The following HIVEP2 variants were observed in gnomAD, a reference collection of about 807,000 sequenced individuals.
HIVEP2 encodes HIVEP zinc finger 2.
Under a neutral mutation model 180.7 loss-of-function variants are expected in HIVEP2, and 14 were observed. The observed-to-expected ratio is 0.08, with a 90% CI of 0.05 to 0.12. The LOEUF (loss-of-function observed/expected upper bound fraction) is 0.12. HIVEP2 is among the 10% of genes least tolerant of loss of function. The probability of loss-of-function intolerance (pLI) is 1.00; values close to 1 mark genes in which losing one functional copy is unlikely to be tolerated. For synonymous variants in HIVEP2, 1,184 were observed against 1,136.4 expected (o/e 1.04, Z -0.84); for missense variants, 2,579 against 3,008.5 (o/e 0.86, Z 3.34).
chr6:142,847,773 G>A (rs981614603), intron 1 of HIVEP2, among the ~76,000 whole-genome samples: 1 of 151,990 alleles, frequency 6.6e-6, no homozygotes, highest in Non-Finnish European at 1.5e-5. Flanking sequence ...TACTGAACCA[G>A]TATAAGACTC....
chr6:142,799,475 G>A (rs1423152812), intron 2 of HIVEP2, among the ~76,000 whole-genome samples: 2 of 152,056 alleles, frequency 1.3e-5, no homozygotes, highest in Non-Finnish European at 1.5e-5. Context: ...AAGAAAAGAG[G>A]AGACAGAGCA....
At chr6:142,875,836 G>A (rs1214255544) in intron 1 of HIVEP2, among the ~76,000 whole-genome samples, 1 of 152,174 alleles carries the variant, frequency 6.6e-6, no homozygotes, top group Admixed American at 6.5e-5. Context: ...ATGTCCATTG[G>A]ACAGCCAAGT....
intron 6 of HIVEP2, 76 bp downstream of exon 6, chr6:142,768,306 T>G (rs1775424347): frequency 1.4e-6 from 2 of 1,379,932 alleles, no homozygotes; most frequent in Non-Finnish European, 2.0e-6. Context: ...AGACAGTACC[T>G]TTTCCATGCA....
At chr6:142,803,871 G>A (rs951770243) in intron 2 of HIVEP2, among the ~76,000 whole-genome samples, 3 of 152,130 alleles carry the variant, frequency 2.0e-5, no homozygotes, top group African/African-American at 7.2e-5. Flanking sequence ...CTCCTGAGGA[G>A]TGGGAGGCTG....
chr6:142,877,264 T>A (rs1776466368), intron 1 of HIVEP2, among the ~76,000 whole-genome samples: 1 of 152,190 alleles, frequency 6.6e-6, no homozygotes, highest in African/African-American at 2.4e-5. Context: ...CACATATATC[T>A]AGTTAGTTTT....
intron 1 of HIVEP2, among the ~76,000 whole-genome samples, chr6:142,930,796 C>T (rs1439566434): frequency 6.6e-6 from 1 of 152,096 alleles, no homozygotes; most frequent in Non-Finnish European, 1.5e-5. Flanking sequence ...GTTATTGAAA[C>T]AGCAGTGTCC....
rs11752695 is a variant in HIVEP2 at position 142,892,399 on chromosome 6, C to T, written c.-641+52700G>A. ...CATGGATAAAGCTCTTCCTACATCCCGGCGGAGGTGCCAGAGAAATAAGCA... is the reference window on the plus strand; with the variant it reads ...CATGGATAAAGCTCTTCCTACATCCTGGCGGAGGTGCCAGAGAAATAAGCA... On this transcript the variant is annotated intron_variant, in intron 1 of 9. Coordinates refer to ENST00000367603, the MANE Select transcript of HIVEP2 (RefSeq NM_006734.4). Among the ~76,000 whole-genome samples, 1,277 of 152,258 alleles carry T rather than the reference C, an allele frequency of 8.4e-3. 18 individuals carry two copies. The highest frequency in any genetic ancestry group is 0.011 in the Non-Finnish European group (747 of 68,032).
At chr6:142,775,710 C>G (rs1397349595) in intron 4 of HIVEP2, among the ~76,000 whole-genome samples, 1 of 151,926 alleles carries the variant, frequency 6.6e-6, no homozygotes, top group African/African-American at 2.4e-5. Context: ...TGGCATGCAC[C>G]TGTAGTCCCA....
In HIVEP2 at chr6:142,759,774, G is replaced by A. The variant is rs775041263; in HGVS notation, c.6514C>T (p.Pro2172Ser). The change falls in exon 9 of 10, where the codon CCT becomes TCT. Residue 2172 changes from proline to serine, a missense_variant and splice_region_variant. Physicochemically the swap from Pro to Ser is moderately conservative, Grantham distance 74. Coordinates refer to ENST00000367603, the MANE Select transcript of HIVEP2 (RefSeq NM_006734.4). ...AAAGAAAAGTGGATTATACTTACAG[G>A]AGGCCCCAATACAATTGGCTCTGCT... ...LQAEPIVLGP[P>S]NLRRGLPQVP... is the part of the protein sequence containing the mutation. The A allele has an allele frequency of 8.8e-6, 14 of 1,593,504 alleles. No individual in the cohort carries two copies. The highest frequency in any genetic ancestry group is 2.6e-6 in the Non-Finnish European group (3 of 1,172,704).
intron 1 of HIVEP2, among the ~76,000 whole-genome samples, chr6:142,846,014 C>G (rs940275164): frequency 2.6e-5 from 4 of 152,258 alleles, no homozygotes; most frequent in Admixed American, 6.5e-5. Flanking sequence ...GACAGGACAT[C>G]CCTCCTGGCA....
chr6:142,908,585 T>C (rs1180257416), intron 1 of HIVEP2, among the ~76,000 whole-genome samples: 1 of 152,028 alleles, frequency 6.6e-6, no homozygotes, highest in Admixed American at 6.6e-5. Context: ...GGACCTTTGA[T>C]TGGTAAGAAA....
chr6:142,778,555 T>C (rs1479398693), intron 3 of HIVEP2, among the ~76,000 whole-genome samples: 1 of 152,248 alleles, frequency 6.6e-6, no homozygotes, highest in Non-Finnish European at 1.5e-5. Flanking sequence ...ATGTATGCAG[T>C]TTCATTGTTA....
chr6:142,843,440 T>C (rs950924754), intron 1 of HIVEP2, among the ~76,000 whole-genome samples: 5 of 152,210 alleles, frequency 3.3e-5, no homozygotes, highest in Admixed American at 3.3e-4. Flanking sequence ...CAGGAAGAGT[T>C]CTGTGGGGAC....
Position 142,770,317 on chromosome 6 carries a change from A to C in HIVEP2, c.4422T>G (p.Ser1474Arg). Residue 1474 changes from serine to arginine, a missense_variant, in exon 5 of 10, where the codon AGT becomes AGG. Coordinates refer to ENST00000367603, the MANE Select transcript of HIVEP2 (RefSeq NM_006734.4). This position sits in a 1 kb window ranked among gnomAD's most constrained non-coding sequence, Gnocchi z 4.7. ...KMYGQIVEEL[S>R]AVELTNSDIK... ...TGTCTGAGTTGGTCAGCTCCACAGC[A>C]CTAAGCTCCTCCACAATCTGTCCGT... is the stretch of plus-strand genomic sequence containing the variant. The C allele has an allele frequency of 3.7e-6, 6 of 1,614,146 alleles. No homozygotes were observed. The highest frequency in any genetic ancestry group is 5.1e-6 in the Non-Finnish European group (6 of 1,180,024).
intron 2 of HIVEP2, among the ~76,000 whole-genome samples, chr6:142,803,630 T>C (rs1162609061): frequency 6.8e-6 from 1 of 147,686 alleles, no homozygotes; most frequent in East Asian, 2.0e-4. Context: ...ATATCCTTCC[T>C]AAACTCAAAA....
intron 1 of HIVEP2, among the ~76,000 whole-genome samples, chr6:142,855,404 C>T (rs1323911201): frequency 1.3e-5 from 2 of 152,228 alleles, no homozygotes; most frequent in Non-Finnish European, 2.9e-5. Flanking sequence ...AAGTAACCGT[C>T]ATCCCCAGAG....
At chr6:142,901,184 T>C (rs573649404) in intron 1 of HIVEP2, among the ~76,000 whole-genome samples, 16 of 152,344 alleles carry the variant, frequency 1.1e-4, no homozygotes, top group African/African-American at 3.6e-4. Flanking sequence ...TGTGTGAGTT[T>C]TCCCCACTCC....
intron 2 of HIVEP2, among the ~76,000 whole-genome samples, chr6:142,826,135 CAATATCTG>C (rs1301538803): frequency 1.3e-5 from 2 of 152,078 alleles, no homozygotes; most frequent in African/African-American, 4.8e-5. Flanking sequence ...AATTTATTTT[CAATATCTG>C]AAAAGTATCT....
At chr6:142,936,302 C>T (rs187079555) in intron 1 of HIVEP2, among the ~76,000 whole-genome samples, 179 of 151,856 alleles carry the variant, frequency 1.2e-3, no homozygotes, top group Non-Finnish European at 1.7e-3. Context: ...AGGCGATTCT[C>T]CTGTCTCTGC....
Sources: gnomAD v4.1 joint callset for allele counts (sites outside exome capture counted in the v4.1 genomes callset) on GRCh38, gnomAD v4.1.1 for gene constraint, Gnocchi (gnomAD v3.1) non-coding constraint, MANE v1.5 for transcripts, NCBI Gene and HGNC (gene_info 2026-07-23, HGNC 2026-07-21) for gene names.